MMP26: variants seen among roughly 807,000 people sequenced by gnomAD.
The protein encoded by MMP26 is matrix metalloproteinase-26.
MMP26 carries 33 observed loss-of-function variants against 31.0 expected under a neutral mutation model. That is an observed-to-expected ratio of 1.06 (90% CI 0.81 to 1.42). The LOEUF is 1.42. Ranked by LOEUF, MMP26 falls within the 40% of genes most tolerant of loss-of-function variation. The pLI, the probability that MMP26 is intolerant of heterozygous loss-of-function variation, is 0.00. For synonymous variants in MMP26, 122 were observed against 114.9 expected (o/e 1.06, Z -0.40); for missense variants, 347 against 316.1 (o/e 1.10, Z -0.74).
chr11:4,862,598 T>G (rs1159979336), intron 2 of MMP26, among the ~76,000 whole-genome samples: 1 of 152,128 alleles, frequency 6.6e-6, no homozygotes, highest in African/African-American at 2.4e-5. Context: ...TAGGTACTTG[T>G]GAGAAAAGAG....
At chr11:4,799,387 T>C (rs1849151603) in intron 2 of MMP26, among the ~76,000 whole-genome samples, 1 of 152,034 alleles carries the variant, frequency 6.6e-6, no homozygotes, top group Non-Finnish European at 1.5e-5. Flanking sequence ...TCTCAGGCTC[T>C]ATTAAACAAG....
chr11:4,873,533 G>T (rs896085914), intron 2 of MMP26, among the ~76,000 whole-genome samples: 1 of 152,048 alleles, frequency 6.6e-6, no homozygotes, highest in African/African-American at 2.4e-5. Flanking sequence ...GGGATAGAAA[G>T]ATTTAGGTAA....
At chr11:4,807,854 G>A (rs1849299069) in intron 2 of MMP26, among the ~76,000 whole-genome samples, 1 of 152,002 alleles carries the variant, frequency 6.6e-6, no homozygotes, top group South Asian at 2.1e-4. Context: ...GTCCAGGCTG[G>A]AGTGCAATGG....
chr11:4,825,361 C>G (rs904913126), intron 2 of MMP26, among the ~76,000 whole-genome samples: 1 of 152,092 alleles, frequency 6.6e-6, no homozygotes, highest in Non-Finnish European at 1.5e-5. Flanking sequence ...CCTGAGCAGC[C>G]TGCCTTGTAG....
chr11:4,755,309 T>A (rs1848492694), intron 1 of MMP26, among the ~76,000 whole-genome samples: 1 of 152,012 alleles, frequency 6.6e-6, no homozygotes, highest in African/African-American at 2.4e-5. Flanking sequence ...TTGGGAATGA[T>A]TAACTTCTCC....
chr11:4,936,219 G>T (rs1380343272), intron 2 of MMP26, among the ~76,000 whole-genome samples: 2 of 148,978 alleles, frequency 1.3e-5, no homozygotes, highest in Non-Finnish European at 3.0e-5. Flanking sequence ...GACTCTTTTT[G>T]GTTGGTAAAC....
intron 2 of MMP26, among the ~76,000 whole-genome samples, chr11:4,845,934 C>T (rs958715611): frequency 1.6e-4 from 25 of 152,068 alleles, no homozygotes; most frequent in African/African-American, 5.8e-4. Flanking sequence ...ATCCAAAAGA[C>T]AGACAATGCT....
intron 2 of MMP26, among the ~76,000 whole-genome samples, chr11:4,862,586 C>T (rs1850177642): frequency 6.6e-6 from 1 of 152,060 alleles, no homozygotes; most frequent in Non-Finnish European, 1.5e-5. Context: ...TTTGTTCTCA[C>T]CTAGGTACTT....
At chr11:4,928,283 T>C (rs12279904) in intron 2 of MMP26, among the ~76,000 whole-genome samples, 3,850 of 152,268 alleles carry the variant, frequency 0.025, 175 homozygotes, top group African/African-American at 0.088. Flanking sequence ...GAGAGCTCTC[T>C]TCAGCCTTCC....
chr11:4,724,722 A>G (rs1848072695), intron 1 of MMP26, among the ~76,000 whole-genome samples: 1 of 152,222 alleles, frequency 6.6e-6, no homozygotes, highest in African/African-American at 2.4e-5. Flanking sequence ...AACTTCGTTT[A>G]TTGCTATAAT....
intron 2 of MMP26, chr11:4,914,577 G>T: frequency 3.2e-6 from 2 of 631,288 alleles, no homozygotes; most frequent in South Asian, 2.1e-5. Flanking sequence ...CAGAGTGAGG[G>T]TTCTGTAAGG....
chr11:4,810,248 G>T (rs184738331), intron 2 of MMP26, among the ~76,000 whole-genome samples: 26 of 119,566 alleles, frequency 2.2e-4, no homozygotes, highest in Admixed American at 1.9e-3. Context: ...TTTTTTTTTA[G>T]TCGGAGTACA....
chr11:4,972,317 G>T (rs1478738968), intron 2 of MMP26, among the ~76,000 whole-genome samples: 1 of 152,168 alleles, frequency 6.6e-6, no homozygotes, highest in Non-Finnish European at 1.5e-5. Flanking sequence ...TTGTCATTAG[G>T]TAGAATTCCC....
At chr11:4,769,815 A>T in intron 2 of MMP26, 1 of 1,613,024 alleles carries the variant, frequency 6.2e-7, no homozygotes, top group Non-Finnish European at 8.5e-7. Flanking sequence ...GCATAAAAAC[A>T]ACAGAAAGGA....
chr11:4,960,767 G>T (rs138321443), intron 2 of MMP26, among the ~76,000 whole-genome samples: 1 of 151,958 alleles, frequency 6.6e-6, no homozygotes, highest in East Asian at 1.9e-4. Context: ...TTAAAAAGGG[G>T]ATTTATTTGA....
chr11:4,772,319 T>C (rs17227393), intron 2 of MMP26, among the ~76,000 whole-genome samples: 16,411 of 152,100 alleles, frequency 0.11, 995 homozygotes, highest in Middle Eastern at 0.18. Flanking sequence ...ATGTACATCA[T>C]TGTCTCTGGA....
At chr11:4,827,316 T>C (rs1000263773) in intron 2 of MMP26, among the ~76,000 whole-genome samples, 1 of 152,194 alleles carries the variant, frequency 6.6e-6, no homozygotes, top group African/African-American at 2.4e-5. Flanking sequence ...CTATCCTTGA[T>C]CTTTTTTGTT....
At chr11:4,808,455 C>T (rs1849306927) in intron 2 of MMP26, among the ~76,000 whole-genome samples, 1 of 151,988 alleles carries the variant, frequency 6.6e-6, no homozygotes, top group Non-Finnish European at 1.5e-5. Context: ...TCCAGCTTGG[C>T]CTCCTGGTAC....
chr11:4,805,497 T>G (rs921133715), intron 2 of MMP26, among the ~76,000 whole-genome samples: 1 of 152,170 alleles, frequency 6.6e-6, no homozygotes, highest in South Asian at 2.1e-4. Context: ...TTTACAAAAA[T>G]GGGTTGCAAG....
Sources: gnomAD v4.1 joint callset for allele counts (sites outside exome capture counted in the v4.1 genomes callset) on GRCh38, gnomAD v4.1.1 for gene constraint, MANE v1.5 for transcripts, NCBI Gene and HGNC (gene_info 2026-07-23, HGNC 2026-07-21) for gene names.